The following GPD1L variants were observed in gnomAD, a reference collection of about 807,000 sequenced individuals.
GPD1L encodes the protein glycerol-3-phosphate dehydrogenase 1-like protein.
In GPD1L, 17 loss-of-function variants were observed where a neutral mutation model predicts 32.9. The ratio of observed to expected loss-of-function variants is 0.52; its 90% confidence interval spans 0.35 to 0.78. GPD1L has a LOEUF of 0.78. GPD1L is among the 30% of genes least tolerant of loss of function. The probability of loss-of-function intolerance (pLI) is 0.01; values close to 1 mark genes in which losing one functional copy is unlikely to be tolerated. For synonymous variants in GPD1L, 187 were observed against 165.9 expected (o/e 1.13, Z -0.98); for missense variants, 361 against 447.8 (o/e 0.81, Z 1.75).
chr3:32,131,869 TC>T (rs1700591851), intron 2 of GPD1L, among the ~76,000 whole-genome samples: 1 of 152,238 alleles, frequency 6.6e-6, no homozygotes, highest in Non-Finnish European at 1.5e-5. Context: ...GTGTGAATGT[TC>T]CAGTTTCTTC....
chr3:32,111,969 C>A (rs1700259817), intron 1 of GPD1L, among the ~76,000 whole-genome samples: 1 of 152,092 alleles, frequency 6.6e-6, no homozygotes, highest in African/African-American at 2.4e-5. Flanking sequence ...TAAGTTAGCT[C>A]CTTTATGGTC....
chr3:32,148,582 C>G (rs891674685), intron 5 of GPD1L, among the ~76,000 whole-genome samples: 1 of 152,270 alleles, frequency 6.6e-6, no homozygotes, highest in South Asian at 2.1e-4. Flanking sequence ...TAACTCCAAC[C>G]ATTGTCTTGC....
chr3:32,112,434 A>G (rs1700265747), intron 1 of GPD1L, among the ~76,000 whole-genome samples: 1 of 152,098 alleles, frequency 6.6e-6, no homozygotes, highest in Admixed American at 6.5e-5. Flanking sequence ...TAGGAGTTCA[A>G]GACCAGCCTA....
chr3:32,159,011 G>A lies in GPD1L; in HGVS notation c.754G>A (p.Ala252Thr), dbSNP rs767832404. The change falls in exon 6 of 8, where the codon GCC becomes ACC. Residue 252 changes from alanine (A) to threonine (T), a missense_variant. Coordinates refer to ENST00000282541, the MANE Select transcript of GPD1L (RefSeq NM_015141.4). Reference sequence around the variant, plus strand: ...CTTCTGCAAAGGCCAAGTGTCTACAGCCACCTTCCTAGAGAGCTGCGGGGT... The same window carrying A: ...CTTCTGCAAAGGCCAAGTGTCTACAACCACCTTCCTAGAGAGCTGCGGGGT... ...RIFCKGQVST[A>T]TFLESCGVAD... 6.2e-7 allele frequency: 1 copy of A among 1,614,068 alleles called. No homozygotes were observed. Among genetic ancestry groups the A allele is most frequent in the Non-Finnish European group, 8.5e-7 (1 of 1,180,042 alleles).
chr3:32,146,215 T>C (rs9859033), intron 4 of GPD1L, among the ~76,000 whole-genome samples: 9 of 151,388 alleles, frequency 5.9e-5, no homozygotes, highest in South Asian at 2.1e-4. Flanking sequence ...ACCTCCTGAG[T>C]AGCTGGGACC....
intron 2 of GPD1L, among the ~76,000 whole-genome samples, chr3:32,138,059 A>G (rs1351904239): frequency 6.6e-6 from 1 of 152,218 alleles, no homozygotes; most frequent in African/African-American, 2.4e-5. Flanking sequence ...TGTGGAATGA[A>G]GCCAAGCCAG....
At chr3:32,135,202 AG>A (rs1700646639) in intron 2 of GPD1L, among the ~76,000 whole-genome samples, 1 of 152,240 alleles carries the variant, frequency 6.6e-6, no homozygotes, top group Admixed American at 6.5e-5. Flanking sequence ...GAGAAACAGT[AG>A]GTCCAGAGGA....
chr3:32,112,809 T>C (rs1010062940), intron 1 of GPD1L, among the ~76,000 whole-genome samples: 2 of 152,182 alleles, frequency 1.3e-5, no homozygotes, highest in Non-Finnish European at 2.9e-5. Context: ...ATTTTCTGTG[T>C]GTCATGTACA....
rs1700541456 is a variant in GPD1L, at chr3:32,128,282, G to A, written c.225+29G>A. On this transcript the variant is annotated intron_variant, in intron 2 of 7. Coordinates refer to ENST00000282541, the MANE Select transcript of GPD1L (RefSeq NM_015141.4). ...AGACTTTGGGGTGAAATGTACATTG[G>A]TTCATTCTGCAAGTTGTGCTTGGCT... 7.6e-6 allele frequency: 12 copies of A among 1,582,710 alleles called. No individual in the cohort carries two copies. The Admixed American group carries it at 1.7e-4, about 22-fold the overall frequency.
At chr3:32,159,713 C>A in intron 7 of GPD1L, 39 bp downstream of exon 7, 1 of 1,195,984 alleles carries the variant, frequency 8.4e-7, no homozygotes, top group Non-Finnish European at 1.3e-6. Flanking sequence ...GATAAATGTC[C>A]ATCATTCCTA....
chr3:32,107,224 G>T (rs748607), intron 1 of GPD1L, among the ~76,000 whole-genome samples: 53,935 of 151,942 alleles, frequency 0.35, 10,145 homozygotes, highest in South Asian at 0.51. Flanking sequence ...GTCACGGGCG[G>T]GGCATGCTCT....
At chr3:32,131,567 G>A (rs1248664367) in intron 2 of GPD1L, among the ~76,000 whole-genome samples, 2 of 152,130 alleles carry the variant, frequency 1.3e-5, no homozygotes, top group Non-Finnish European at 2.9e-5. Context: ...CATCCATGTT[G>A]TAGCATGTAT....
intron 2 of GPD1L, among the ~76,000 whole-genome samples, chr3:32,130,938 C>T (rs1700579333): frequency 6.6e-6 from 1 of 152,048 alleles, no homozygotes; most frequent in Non-Finnish European, 1.5e-5. Flanking sequence ...TTGCCTGAAC[C>T]CAGGAGGCGG....
At chr3:32,109,850 A>C (rs1700221615) in intron 1 of GPD1L, among the ~76,000 whole-genome samples, 1 of 152,226 alleles carries the variant, frequency 6.6e-6, no homozygotes, top group African/African-American at 2.4e-5. Context: ...GATAAGACCG[A>C]AGGAATTGCC....
At chr3:32,118,659 A>G (rs1700364560) in intron 1 of GPD1L, among the ~76,000 whole-genome samples, 1 of 152,178 alleles carries the variant, frequency 6.6e-6, no homozygotes, top group Non-Finnish European at 1.5e-5. Context: ...AGGGTTAAGA[A>G]TGTTCACATT....
At chr3:32,125,304 C>T (rs1362080136) in intron 1 of GPD1L, among the ~76,000 whole-genome samples, 2 of 152,206 alleles carry the variant, frequency 1.3e-5, no homozygotes, top group Non-Finnish European at 2.9e-5. Flanking sequence ...AGCCCACTCT[C>T]CCCTAACTCA....
intron 5 of GPD1L, 89 bp from the exon 6 acceptor site, chr3:32,158,787 C>T: frequency 6.4e-7 from 1 of 1,553,956 alleles, no homozygotes. Flanking sequence ...CCCTGGTCTG[C>T]CCCTGCCTCG....
intron 1 of GPD1L, among the ~76,000 whole-genome samples, chr3:32,126,054 G>T (rs895762909): frequency 6.6e-6 from 1 of 152,188 alleles, no homozygotes; most frequent in African/African-American, 2.4e-5. Context: ...CTCTAGGCAG[G>T]TGTGGTGGCA....
intron 6 of GPD1L, among the ~76,000 whole-genome samples, 194 bp downstream of exon 6, chr3:32,159,303 G>T (rs1263358287): frequency 1.3e-5 from 2 of 151,804 alleles, no homozygotes; most frequent in African/African-American, 4.8e-5. Flanking sequence ...TTCCAGCAGG[G>T]GACTGAAGCT....
Sources: allele counts gnomAD v4.1 joint callset (sites outside exome capture counted in the v4.1 genomes callset), GRCh38; gene constraint gnomAD v4.1.1; transcripts MANE v1.5; gene names NCBI Gene and HGNC (gene_info 2026-07-23, HGNC 2026-07-21).